Variants in CD34 observed in about 807,000 individuals in gnomAD.
The protein encoded by CD34 is CD34 molecule, also known as hematopoietic progenitor cell antigen CD34.
Under a neutral mutation model 40.1 loss-of-function variants are expected in CD34, and 34 were observed. The ratio of observed to expected loss-of-function variants is 0.85; its 90% CI spans 0.65 to 1.13. The LOEUF (loss-of-function observed/expected upper bound fraction) is 1.13, where lower values mean the gene tolerates loss of function less well. Among genes scored for constraint, CD34 ranks in the 50% most tolerant of loss-of-function variants. The pLI is 0.00. For missense variants in CD34, 426 were observed against 466.9 expected, an observed-to-expected ratio of 0.91 and a Z score of 0.81; for synonymous variants, 209 against 190.0, an observed-to-expected ratio of 1.10 and a Z score of -0.82.
intron 7 of CD34, 103 bp from the exon 8 acceptor site, chr1:207,888,026 G>A (rs1349898624): frequency 6.4e-7 from 1 of 1,561,640 alleles, no homozygotes; most frequent in Non-Finnish European, 8.7e-7. Flanking sequence ...GGTGGGAGAA[G>A]GGGGAGGGGG....
chr1:207,907,973 G>C (rs967856014), intron 1 of CD34, among the ~76,000 whole-genome samples: 1 of 152,172 alleles, frequency 6.6e-6, no homozygotes, highest in African/African-American at 2.4e-5. Flanking sequence ...AAGTCAATGA[G>C]AGAGGGAGGC....
intron 4 of CD34, among the ~76,000 whole-genome samples, chr1:207,894,187 G>T (rs565827436): frequency 6.6e-6 from 1 of 152,234 alleles, no homozygotes; most frequent in South Asian, 2.1e-4. Context: ...AGCAAAACAA[G>T]GTTTACACTT....
chr1:207,906,882 T>A (rs141357984), intron 1 of CD34, among the ~76,000 whole-genome samples: 1 of 144,588 alleles, frequency 6.9e-6, no homozygotes, highest in African/African-American at 2.5e-5. Context: ...TAAAATAGCA[T>A]GTCTTGGACC....
intron 7 of CD34, 104 bp from the exon 8 acceptor site, chr1:207,888,027 G>A: frequency 1.3e-6 from 2 of 1,564,648 alleles, no homozygotes; most frequent in Non-Finnish European, 1.7e-6. Context: ...GTGGGAGAAG[G>A]GGGAGGGGGA....
At position 207,889,578 on chromosome 1, in the gene CD34, A is replaced by T; in HGVS notation, c.641T>A (p.Leu214Gln). ...KDRGEGLARV[L>Q]CGEEQADADA... ...AGCATCAGCCTGCTCCTCCCCACAC[A>T]GCACTCGGGCCAGGCCCTCTCCCCT... The change falls in exon 5 of 8, where the codon CTG (leucine) becomes CAG (glutamine). Residue 214 changes from leucine to glutamine, a missense_variant. Leu to Gln is a moderately radical substitution (Grantham distance 113). Coordinates refer to ENST00000310833, the MANE Select transcript of CD34 (RefSeq NM_001025109.2). The T allele has an allele frequency of 6.2e-7, 1 of 1,614,084 alleles. No individual in the cohort carries two copies.
rs1195029071 is a variant in CD34 at position 207,911,053 on chromosome 1, C to G, written c.28G>C (p.Gly10Arg). ...GTCCAGCCCCGCGGCATCCTGGGCC[C>G]TGCGCGCGCGCCCCTGCGGACCAGC... is the stretch of plus-strand genomic sequence containing the variant. Reference protein sequence around the residue: MLVRRGARAGPRMPRGWTAL... With the variant: MLVRRGARARPRMPRGWTAL... The change falls in exon 1 of 8, where the codon GGG becomes CGG. Residue 10 changes from glycine (G) to arginine (R), a missense_variant. Physicochemically the swap from Gly to Arg is moderately radical, Grantham distance 125 (BLOSUM62 -2). Transcript: ENST00000310833. The G allele has an allele frequency of 6.3e-7, 1 of 1,592,384 alleles. No individual in the cohort carries two copies. Among genetic ancestry groups the G allele is most frequent in the Admixed American group, 1.7e-5 (1 of 58,224 alleles).
In CD34 at chr1:207,887,852, C is replaced by T. The variant is rs765433348; in HGVS notation, c.1044G>A (p.Glu348=). ...GYSSGPGTSP[E]AQGKASVNRG... ...GGTTCACACTGGCCTTTCCCTGAGCCTCAGGGGAGGTCCCAGGTCCTGAGC... is the reference window on the plus strand; with the variant it reads ...GGTTCACACTGGCCTTTCCCTGAGCTTCAGGGGAGGTCCCAGGTCCTGAGC... The change falls in exon 8 of 8, where the codon GAG becomes GAA. Residue 348 remains glutamate (E), a synonymous_variant. Coordinates refer to ENST00000310833, the MANE Select transcript of CD34 (RefSeq NM_001025109.2). The T allele has an allele frequency of 6.8e-6, 11 of 1,614,106 alleles. No individual in the cohort carries two copies. Among genetic ancestry groups the T allele is most frequent in the South Asian group, 2.2e-5 (2 of 91,092 alleles).
intron 1 of CD34, among the ~76,000 whole-genome samples, chr1:207,903,128 T>C (rs1168896655): frequency 2.0e-5 from 3 of 152,200 alleles, no homozygotes; most frequent in Non-Finnish European, 2.9e-5. Context: ...AATCCTGGCA[T>C]AAACACTGCG....
chr1:207,910,963 G>C (rs1353392523), intron 1 of CD34, 39 bp downstream of exon 1: 3 of 1,543,350 alleles, frequency 1.9e-6, no homozygotes, highest in Non-Finnish European at 1.7e-6. Context: ...CCCTCCCCGC[G>C]GCGAAGCCAA....
intron 1 of CD34, among the ~76,000 whole-genome samples, chr1:207,901,761 C>A (rs1047076313): frequency 6.6e-6 from 1 of 152,168 alleles, no homozygotes; most frequent in African/African-American, 2.4e-5. Flanking sequence ...AGTATGTAGG[C>A]CTCTGTTGTA....
At chr1:207,900,025 G>T (rs1404272130) in intron 1 of CD34, 22 bp from the exon 2 acceptor site, 2 of 1,576,416 alleles carry the variant, frequency 1.3e-6, no homozygotes, top group Non-Finnish European at 8.6e-7. Flanking sequence ...CGAGGAGGAA[G>T]AATCAGAACC....
chr1:207,888,031 AG>A lies in CD34; in HGVS notation c.973-109del. On this transcript the variant is annotated intron_variant, in intron 7 of 7. Transcript: ENST00000310833. ...TGGGGGCAGGGGTGGGAGAAGGGGG[AG>A]GGGGAGGTGGGAGGAAGGATCGGAG... The A allele has an allele frequency of 1.1e-5, 3 of 273,750 alleles. 1 individual carries two copies. The South Asian group carries it at 1.1e-4, about 10-fold the overall frequency. 17.0% of individuals were successfully genotyped at this position (273,750 alleles called of 1,614,324 possible).
chr1:207,891,098 G>GT lies in CD34; in HGVS notation c.598-1478dup, dbSNP rs533487903. ...GCCTGGATGACTCTGGGCTTCTGAAGTATCTCCAGTTGAAATAGGTCTGCT... is the reference window on the plus strand; with the variant it reads ...GCCTGGATGACTCTGGGCTTCTGAAGTTATCTCCAGTTGAAATAGGTCTGCT... On this transcript the variant is annotated intron_variant, in intron 4 of 7. Coordinates refer to ENST00000310833, the MANE Select transcript of CD34 (RefSeq NM_001025109.2). Among the ~76,000 whole-genome samples, 31 of 152,164 alleles carry GT rather than the reference G, an allele frequency of 2.0e-4. No homozygotes were observed. In the South Asian group the frequency reaches 2.1e-3, roughly 10 times the overall value.
At chr1:207,909,038 T>A (rs561107237) in intron 1 of CD34, among the ~76,000 whole-genome samples, 1 of 152,092 alleles carries the variant, frequency 6.6e-6, no homozygotes, top group Non-Finnish European at 1.5e-5. Context: ...TGACTCCTAG[T>A]ATTAACAAAA....
chr1:207,906,664 G>C (rs562891576), intron 1 of CD34, among the ~76,000 whole-genome samples: 1 of 152,052 alleles, frequency 6.6e-6, no homozygotes, highest in African/African-American at 2.4e-5. Flanking sequence ...GACCAATATA[G>C]AGAAAACCCG....
intron 1 of CD34, among the ~76,000 whole-genome samples, chr1:207,910,563 C>CGTGT (rs1215954079): frequency 6.6e-6 from 1 of 152,166 alleles, no homozygotes; most frequent in Non-Finnish European, 1.5e-5. Flanking sequence ...GCAAGGTGGG[C>CGTGT]ACACCGGCCC....
At chr1:207,897,446 A>G (rs1239283820) in intron 4 of CD34, 47 bp downstream of exon 4, 1 of 1,341,232 alleles carries the variant, frequency 7.5e-7, no homozygotes. Context: ...GGGATGGAGG[A>G]AAGGGACAGG....
intron 3 of CD34, 39 bp from the exon 4 acceptor site, chr1:207,897,612 TA>T: frequency 1.4e-6 from 2 of 1,452,986 alleles, no homozygotes; most frequent in Non-Finnish European, 1.9e-6. Flanking sequence ...ACAAAGTAAA[TA>T]AGCCAGTATC....
chr1:207,889,396 T>C, intron 5 of CD34, 69 bp downstream of exon 5: 1 of 1,547,148 alleles, frequency 6.5e-7, no homozygotes, highest in Non-Finnish European at 8.8e-7. Flanking sequence ...AGATGCCCCA[T>C]CTCCACCCAG....
Sources: allele counts gnomAD v4.1 joint callset (sites outside exome capture counted in the v4.1 genomes callset), GRCh38; gene constraint gnomAD v4.1.1; transcripts MANE v1.5; gene names NCBI Gene and HGNC (gene_info 2026-07-23, HGNC 2026-07-21).